FAR2: variants seen among roughly 807,000 people sequenced by gnomAD.
FAR2 encodes fatty acyl-CoA reductase 2, also known as epididymis secretory protein Li 81.
In FAR2, 19 loss-of-function variants were observed where a neutral mutation model predicts 56.0. The ratio of observed to expected loss-of-function variants is 0.34; its 90% confidence interval spans 0.24 to 0.50. The LOEUF is 0.50. Ranked by LOEUF, FAR2 falls within the 20% of genes least tolerant of loss-of-function variation. FAR2 has a pLI of 0.98. For synonymous variants in FAR2, 219 were observed against 218.8 expected (o/e 1.00, Z -0.01); for missense variants, 508 against 642.2 (o/e 0.79, Z 2.26).
intron 11 of FAR2, 131 bp from the exon 12 acceptor site, chr12:29,333,501 A>C: frequency 1.2e-6 from 1 of 803,592 alleles, no homozygotes; most frequent in Non-Finnish European, 2.0e-6. Flanking sequence ...CAATTGGCCA[A>C]GTTATATCAA....
intron 10 of FAR2, among the ~76,000 whole-genome samples, chr12:29,329,380 CT>C (rs1459433953): frequency 6.6e-6 from 1 of 152,114 alleles, no homozygotes; most frequent in Non-Finnish European, 1.5e-5. Context: ...CTATTTTAAC[CT>C]TTCAAAATTT....
chr12:29,192,950 A>G (rs1591841988), intron 1 of FAR2, among the ~76,000 whole-genome samples: 1 of 152,332 alleles, frequency 6.6e-6, no homozygotes, highest in East Asian at 1.9e-4. Context: ...TCCACACCGT[A>G]CATATTAAGA....
At chr12:29,197,090 C>A (rs1950150154) in intron 1 of FAR2, among the ~76,000 whole-genome samples, 1 of 152,114 alleles carries the variant, frequency 6.6e-6, no homozygotes, top group African/African-American at 2.4e-5. Flanking sequence ...AGGCATGAAG[C>A]AACATTTGCA....
intron 2 of FAR2, chr12:29,280,939 T>C (rs1948774698): frequency 6.6e-6 from 1 of 152,246 alleles, no homozygotes; most frequent in Non-Finnish European, 1.5e-5. Context: ...ATAGGATTGT[T>C]GAACAACTAA....
chr12:29,238,029 G>T (rs540393133), intron 1 of FAR2, among the ~76,000 whole-genome samples: 3 of 152,210 alleles, frequency 2.0e-5, no homozygotes, highest in East Asian at 3.9e-4. Flanking sequence ...TAGGCCACTG[G>T]ATTTTAATGT....
intron 2 of FAR2, among the ~76,000 whole-genome samples, chr12:29,285,706 G>A (rs1039619471): frequency 1.1e-4 from 17 of 152,110 alleles, no homozygotes; most frequent in South Asian, 2.1e-4. Context: ...AGATCACAAG[G>A]TGAGGAGATC....
intron 5 of FAR2, 108 bp from the exon 6 acceptor site, chr12:29,309,077 TG>T (rs1949303481): frequency 3.9e-6 from 3 of 776,622 alleles, no homozygotes; most frequent in Non-Finnish European, 6.7e-6. Context: ...TTCTATTGGC[TG>T]GGATCTCAGT....
chr12:29,330,055 A>ATTT (rs1565528515), intron 10 of FAR2, among the ~76,000 whole-genome samples: 2 of 88,446 alleles, frequency 2.3e-5, no homozygotes, highest in African/African-American at 6.1e-5. Flanking sequence ...TACATTTATG[A>ATTT]CTTTTTTTTT....
chr12:29,215,852 G>C (rs1947615370), intron 1 of FAR2, among the ~76,000 whole-genome samples: 1 of 151,974 alleles, frequency 6.6e-6, no homozygotes, highest in South Asian at 2.1e-4. Flanking sequence ...AAGAGTATAA[G>C]AACGATTTCC....
chr12:29,311,281 A>G (rs548002704), intron 7 of FAR2, 135 bp downstream of exon 7: 2 of 640,246 alleles, frequency 3.1e-6, no homozygotes, highest in South Asian at 4.0e-5. Flanking sequence ...TATTTTATAG[A>G]GTTCCTAATA....
intron 1 of FAR2, among the ~76,000 whole-genome samples, chr12:29,248,002 A>C (rs565854169): frequency 1.3e-5 from 2 of 152,210 alleles, no homozygotes; most frequent in Non-Finnish European, 2.9e-5. Context: ...ATTTGAAAGG[A>C]TATCTCTACA....
intron 2 of FAR2, among the ~76,000 whole-genome samples, chr12:29,275,074 C>T (rs78480710): frequency 0.13 from 19,946 of 150,034 alleles, 2,616 homozygotes; most frequent in African/African-American, 0.34. Flanking sequence ...ATTTCATGCG[C>T]GTCCATGTGA....
chr12:29,190,156 C>G (rs1291182026), intron 1 of FAR2, among the ~76,000 whole-genome samples: 1 of 152,170 alleles, frequency 6.6e-6, no homozygotes, highest in Non-Finnish European at 1.5e-5. Flanking sequence ...TTGAGAAGCT[C>G]TTTAGACAAG....
chr12:29,176,582 C>T (rs1416277699), intron 1 of FAR2, among the ~76,000 whole-genome samples: 5 of 152,064 alleles, frequency 3.3e-5, no homozygotes, highest in African/African-American at 1.2e-4. Flanking sequence ...AGAATGATAG[C>T]TAAAACTGTC....
chr12:29,237,681 G>A (rs1198691043), intron 1 of FAR2, among the ~76,000 whole-genome samples: 1 of 152,162 alleles, frequency 6.6e-6, no homozygotes, highest in Non-Finnish European at 1.5e-5. Flanking sequence ...CTATTGTTCA[G>A]ATCTGGGTAT....
intron 1 of FAR2, among the ~76,000 whole-genome samples, chr12:29,253,408 CAGATAGAT>C (rs140676085): frequency 6.9e-6 from 1 of 144,026 alleles, no homozygotes; most frequent in African/African-American, 2.5e-5. Flanking sequence ...GATAGATGGA[CAGATAGAT>C]AGATAGATAG....
chr12:29,293,558 T>G, intron 3 of FAR2, 83 bp downstream of exon 3: 1 of 1,223,300 alleles, frequency 8.2e-7, no homozygotes, highest in Non-Finnish European at 1.1e-6. Context: ...AAAAAAGAAA[T>G]ACACTCTAAA....
At chr12:29,288,343 C>T (rs1169103070) in intron 2 of FAR2, among the ~76,000 whole-genome samples, 2 of 152,090 alleles carry the variant, frequency 1.3e-5, no homozygotes, top group South Asian at 2.1e-4. Flanking sequence ...AGTCTTGTGC[C>T]ATCAAGTAGA....
intron 1 of FAR2, among the ~76,000 whole-genome samples, chr12:29,188,694 C>T (rs188107361): frequency 6.6e-6 from 1 of 152,184 alleles, no homozygotes; most frequent in East Asian, 1.9e-4. Flanking sequence ...TGCATTTAGT[C>T]ATCAAATCAC....
Sources: allele counts gnomAD v4.1 joint callset (sites outside exome capture counted in the v4.1 genomes callset), GRCh38; gene constraint gnomAD v4.1.1; transcripts MANE v1.5; gene names NCBI Gene and HGNC (gene_info 2026-07-23, HGNC 2026-07-21).